Variants in KYNU observed in about 807,000 individuals in gnomAD.
KYNU encodes the protein L-kynurenine hydrolase.
A neutral mutation model predicts 59.2 loss-of-function variants in KYNU; 54 were observed. The observed-to-expected ratio is 0.91, with a 90% CI of 0.73 to 1.14. KYNU has a LOEUF of 1.14. KYNU is among the 50% of genes most tolerant of loss of function. The pLI is 0.00. For synonymous variants in KYNU, 177 were observed against 192.0 expected (o/e 0.92, Z 0.65); for missense variants, 567 against 554.4 (o/e 1.02, Z -0.23).
At chr2:142,974,869 C>T (rs1180017523) in intron 8 of KYNU, among the ~76,000 whole-genome samples, 1 of 152,158 alleles carries the variant, frequency 6.6e-6, no homozygotes, top group East Asian at 1.9e-4. Flanking sequence ...TCTCCAACTA[C>T]CCATTCTGTG....
intron 10 of KYNU, among the ~76,000 whole-genome samples, chr2:142,996,781 A>G (rs1419227302): frequency 6.6e-6 from 1 of 152,206 alleles, no homozygotes; most frequent in African/African-American, 2.4e-5. Context: ...CATGAGGAAC[A>G]AGATTACAAA....
At chr2:143,032,370 C>T (rs1360624001) in intron 11 of KYNU, among the ~76,000 whole-genome samples, 3 of 151,874 alleles carry the variant, frequency 2.0e-5, no homozygotes, top group African/African-American at 4.8e-5. Flanking sequence ...ATCATGAGAA[C>T]GGCATGCAGG....
At chr2:142,961,122 G>A (rs1213175329) in intron 8 of KYNU, among the ~76,000 whole-genome samples, 3 of 151,630 alleles carry the variant, frequency 2.0e-5, no homozygotes, top group African/African-American at 4.8e-5. Flanking sequence ...GAACTCGGGC[G>A]GTGGAGATTG....
intron 4 of KYNU, among the ~76,000 whole-genome samples, chr2:142,939,619 A>AAAAG (rs1489169452): frequency 6.7e-6 from 1 of 150,282 alleles, no homozygotes. Context: ...AAAAAAAAAA[A>AAAAG]AAAGAAAAAA....
intron 3 of KYNU, among the ~76,000 whole-genome samples, chr2:142,924,379 T>A (rs1682984319): frequency 6.6e-6 from 1 of 152,170 alleles, no homozygotes; most frequent in Non-Finnish European, 1.5e-5. Context: ...AATGCTGGGA[T>A]TACAGGCGTG....
At chr2:142,973,498 A>G (rs564000320) in intron 8 of KYNU, among the ~76,000 whole-genome samples, 1 of 152,166 alleles carries the variant, frequency 6.6e-6, no homozygotes, top group Non-Finnish European at 1.5e-5. Flanking sequence ...CAGTTGCTCC[A>G]TTGGCAACAG....
intron 10 of KYNU, among the ~76,000 whole-genome samples, chr2:142,991,414 A>G (rs573075603): frequency 6.6e-6 from 1 of 152,046 alleles, no homozygotes; most frequent in African/African-American, 2.4e-5. Context: ...TTCAAATGAG[A>G]TAGACCAGTA....
chr2:143,051,218 A>T lies in KYNU; in HGVS notation c.*9046A>T, dbSNP rs1187228372. The T allele has an allele frequency of 2.0e-5, 3 of 152,128 alleles. No individual in the cohort carries two copies. Among genetic ancestry groups the T allele is most frequent in the African/African-American group, 7.2e-5 (3 of 41,424 alleles). The allele number at this position is 152,128 out of a possible 1,614,324, so 9.4% of individuals were successfully genotyped here. A position where few individuals can be genotyped will look rare whatever the true frequency, so the allele number is the denominator to read the frequency against. On this transcript the variant is annotated 3_prime_UTR_variant, in exon 14 of 14. Transcript: ENST00000264170. ...TTAAGATGGTTCTTGAGTCCTTTTG[A>T]CATGACCCTATCTATTTTTGATAAC...
intron 2 of KYNU, among the ~76,000 whole-genome samples, chr2:142,907,604 A>G (rs951981233): frequency 1.3e-5 from 2 of 152,208 alleles, no homozygotes; most frequent in Admixed American, 1.3e-4. Context: ...CTGAAAACAG[A>G]GCTCCCATAC....
At chr2:143,019,250 A>G (rs352926) in intron 10 of KYNU, among the ~76,000 whole-genome samples, 18,729 of 152,078 alleles carry the variant, frequency 0.12, 1,321 homozygotes, top group East Asian at 0.25. Flanking sequence ...TCGCTGTTCA[A>G]TTTGATGTAA....
chr2:143,004,085 T>C (rs1407702706), intron 10 of KYNU, among the ~76,000 whole-genome samples: 1 of 152,176 alleles, frequency 6.6e-6, no homozygotes, highest in Non-Finnish European at 1.5e-5. Flanking sequence ...TTCATGAAAA[T>C]GTAACAAATT....
intron 4 of KYNU, among the ~76,000 whole-genome samples, chr2:142,932,712 T>C (rs868198931): frequency 2.3e-5 from 3 of 132,000 alleles, no homozygotes; most frequent in African/African-American, 8.6e-5. Context: ...GTTCAGCTTT[T>C]GGGAGGTAGT....
chr2:142,896,975 C>T (rs1681899763), intron 2 of KYNU, among the ~76,000 whole-genome samples: 1 of 152,154 alleles, frequency 6.6e-6, no homozygotes, highest in African/African-American at 2.4e-5. Context: ...GTTACCATGT[C>T]TAAAACCTCC....
chr2:143,009,590 G>T (rs1208309108), intron 10 of KYNU, among the ~76,000 whole-genome samples: 1 of 69,334 alleles, frequency 1.4e-5, no homozygotes, highest in Non-Finnish European at 2.4e-5. Flanking sequence ...TACCAAAGCC[G>T]GGCAGAGACA....
At position 142,960,771 on chromosome 2, in the gene KYNU, G is replaced by C. The variant is rs1360499716; in HGVS notation, c.729+1G>C. On this transcript the variant is annotated splice_donor_variant, in intron 8 of 13. Coordinates refer to ENST00000264170, the MANE Select transcript of KYNU (RefSeq NM_003937.3). LOFTEE classifies it high-confidence loss of function. Reference sequence around the variant, plus strand: ...CATCACAAAAGCTGGACAAGCGAAGGTATGCACGCCATTTACTTCTTCCCA... The same window carrying C: ...CATCACAAAAGCTGGACAAGCGAAGCTATGCACGCCATTTACTTCTTCCCA... 4.3e-6 allele frequency: 7 copies of C among 1,613,750 alleles called. No homozygotes were observed. Among genetic ancestry groups the C allele is most frequent in the Non-Finnish European group, 4.2e-6 (5 of 1,179,932 alleles).
intron 10 of KYNU, among the ~76,000 whole-genome samples, chr2:143,000,208 T>A (rs1327356705): frequency 6.6e-6 from 1 of 152,178 alleles, no homozygotes; most frequent in Non-Finnish European, 1.5e-5. Context: ...TATTTATGAC[T>A]GGTTGAATTG....
At position 143,055,111 on chromosome 2, in the gene KYNU, A is replaced by G; in HGVS notation, c.*12939A>G. 6.6e-6 allele frequency: 1 copy of G among 152,214 alleles called. No individual in the cohort carries two copies. The highest frequency in any genetic ancestry group is 1.9e-4 in the East Asian group (1 of 5,202). 9.4% of individuals were successfully genotyped at this position (152,214 alleles called of 1,614,324 possible). ...AAAATTATAAAAAAGAACGATGACA[A>G]ACTAAAAAGGTGTAGTATTCTTCTA... On this transcript the variant is annotated 3_prime_UTR_variant, in exon 14 of 14. Coordinates refer to ENST00000264170, the MANE Select transcript of KYNU (RefSeq NM_003937.3).
intron 10 of KYNU, among the ~76,000 whole-genome samples, chr2:143,007,005 C>T (rs1685928636): frequency 6.6e-6 from 1 of 152,062 alleles, no homozygotes; most frequent in Admixed American, 6.5e-5. Context: ...AGCGTCTCTC[C>T]TCCTCCAAAG....
intron 5 of KYNU, among the ~76,000 whole-genome samples, chr2:142,955,659 T>C (rs1196665744): frequency 6.6e-6 from 1 of 152,096 alleles, no homozygotes; most frequent in Non-Finnish European, 1.5e-5. Flanking sequence ...TGAAAATTGC[T>C]TTAGTACCCT....
Sources: allele counts gnomAD v4.1 joint callset (sites outside exome capture counted in the v4.1 genomes callset), GRCh38; gene constraint gnomAD v4.1.1; transcripts MANE v1.5; gene names NCBI Gene and HGNC (gene_info 2026-07-23, HGNC 2026-07-21).